Variants in SYN3 observed in about 807,000 individuals in gnomAD.
The protein encoded by SYN3 is synapsin-3.
In SYN3, 35 loss-of-function variants were observed where a neutral mutation model predicts 65.8. The ratio of observed to expected loss-of-function variants is 0.53; its 90% CI spans 0.41 to 0.70. The LOEUF (loss-of-function observed/expected upper bound fraction) is 0.70. Ranked by LOEUF, SYN3 falls within the 30% of genes least tolerant of loss-of-function variation. The pLI, the probability that SYN3 is intolerant of heterozygous loss-of-function variation, is 0.00. For missense variants in SYN3, 680 were observed against 749.0 expected, an observed-to-expected ratio of 0.91 and a Z score of 1.08; for synonymous variants, 270 against 292.9, an observed-to-expected ratio of 0.92 and a Z score of 0.80.
intron 6 of SYN3, among the ~76,000 whole-genome samples, chr22:32,741,006 C>T (rs944543708): frequency 2.0e-5 from 3 of 152,094 alleles, no homozygotes; most frequent in African/African-American, 7.2e-5. Context: ...GTAGGGTGGG[C>T]ACTGTAGATA....
chr22:33,047,720 C>T (rs2054092236), intron 1 of SYN3, among the ~76,000 whole-genome samples: 3 of 151,838 alleles, frequency 2.0e-5, no homozygotes, highest in South Asian at 2.1e-4. Context: ...ATAATAAAAA[C>T]ACCTCTCTGT....
chr22:32,616,231 G>C (rs1002749643), intron 6 of SYN3, among the ~76,000 whole-genome samples: 1 of 152,074 alleles, frequency 6.6e-6, no homozygotes, highest in African/African-American at 2.4e-5. Context: ...GGGGCAGCAG[G>C]AGCCTCGAGG....
chr22:32,911,608 T>C (rs188517690), intron 4 of SYN3, among the ~76,000 whole-genome samples: 33 of 152,226 alleles, frequency 2.2e-4, no homozygotes, highest in Admixed American at 8.5e-4. Context: ...ACACAGTCAC[T>C]TTATCTCTTT....
At chr22:32,616,548 G>A (rs1359454889) in intron 6 of SYN3, among the ~76,000 whole-genome samples, 1 of 152,086 alleles carries the variant, frequency 6.6e-6, no homozygotes, top group African/African-American at 2.4e-5. Flanking sequence ...AGCATCCCTA[G>A]TTCACAAACA....
rs575117440 is a variant in SYN3 at position 32,751,551 on chromosome 22, T to C, written c.711+113364A>G. Among the ~76,000 whole-genome samples the C allele has an allele frequency of 5.8e-4, 89 of 152,274 alleles. 1 individual carries two copies. Among genetic ancestry groups the C allele is most frequent in the African/African-American group, 2.0e-3 (83 of 41,542 alleles). Reference sequence around the variant, plus strand: ...CCATTGTCAGTCGCGTACAGGCCTCTGTGGGTGCCCGGCAGAACTGGCCTA... The same window carrying C: ...CCATTGTCAGTCGCGTACAGGCCTCCGTGGGTGCCCGGCAGAACTGGCCTA... On this transcript the variant is annotated intron_variant, in intron 6 of 13. Coordinates refer to ENST00000358763, the MANE Select transcript of SYN3 (RefSeq NM_003490.4).
chr22:32,680,633 G>C (rs2060510424), intron 6 of SYN3, among the ~76,000 whole-genome samples: 1 of 152,200 alleles, frequency 6.6e-6, no homozygotes, highest in African/African-American at 2.4e-5. Flanking sequence ...AGGCAATCCT[G>C]TGTACTCAAC....
intron 7 of SYN3, among the ~76,000 whole-genome samples, chr22:32,552,014 G>A (rs902952309): frequency 2.0e-5 from 3 of 152,322 alleles, no homozygotes; most frequent in South Asian, 2.1e-4. Context: ...ACTTTGGGAG[G>A]CCGAGGTGGG....
intron 6 of SYN3, among the ~76,000 whole-genome samples, chr22:32,742,340 C>A (rs1404117203): frequency 1.3e-5 from 2 of 152,050 alleles, no homozygotes; most frequent in East Asian, 1.9e-4. Flanking sequence ...AGTCACACAG[C>A]CCAGAATGAC....
intron 4 of SYN3, among the ~76,000 whole-genome samples, chr22:32,905,279 A>G (rs1232545366): frequency 1.3e-5 from 2 of 152,162 alleles, no homozygotes; most frequent in South Asian, 2.1e-4. Context: ...TATTCAATAA[A>G]CTTTAGGGGA....
chr22:32,994,948 A>C (rs2052835709), intron 2 of SYN3, among the ~76,000 whole-genome samples: 1 of 152,142 alleles, frequency 6.6e-6, no homozygotes, highest in Admixed American at 6.5e-5. Context: ...TAATCTTTCC[A>C]GTTACCCTTC....
intron 4 of SYN3, among the ~76,000 whole-genome samples, chr22:32,918,960 G>A (rs1482511670): frequency 6.6e-6 from 1 of 152,194 alleles, no homozygotes; most frequent in Non-Finnish European, 1.5e-5. Flanking sequence ...GTGCCATGAA[G>A]CCAGGCCGCC....
rs73885123 is a variant in SYN3 at position 32,867,427 on chromosome 22, T to G, written c.621+1539A>C. Among the ~76,000 whole-genome samples, 1,382 of 152,326 alleles carry G rather than the reference T, an allele frequency of 9.1e-3. 27 individuals are homozygous for G. Among genetic ancestry groups the G allele is most frequent in the African/African-American group, 0.032 (1,347 of 41,556 alleles). On this transcript the variant is annotated intron_variant, in intron 5 of 13. Transcript: ENST00000358763. ...ACAACAGCACCTGGAACACAGTAAG[T>G]GCCCAAGAAGTATTTGCTACATGAA...
At chr22:32,586,116 ATATATG>A (rs1442155371) in intron 7 of SYN3, among the ~76,000 whole-genome samples, 1 of 150,466 alleles carries the variant, frequency 6.6e-6, no homozygotes, top group Non-Finnish European at 1.5e-5. Flanking sequence ...ATGTATATGT[ATATATG>A]TATATGTATG....
At chr22:32,849,301 A>G (rs2048153326) in intron 6 of SYN3, 1 of 681,618 alleles carries the variant, frequency 1.5e-6, no homozygotes, top group South Asian at 1.8e-5. Context: ...GGGAATTCCC[A>G]CTCTTGTAAA....
chr22:32,619,939 ACAGCCAG>A (rs2059571771), intron 6 of SYN3, among the ~76,000 whole-genome samples: 1 of 152,252 alleles, frequency 6.6e-6, no homozygotes, highest in Non-Finnish European at 1.5e-5. Flanking sequence ...GGACTGGCTT[ACAGCCAG>A]CTGACCTCCA....
At position 33,006,557 on chromosome 22, in the gene SYN3, C is replaced by T; in HGVS notation, c.106G>A (p.Ala36Thr). 6.2e-7 allele frequency: 1 copy of T among 1,614,162 alleles called. No individual in the cohort carries two copies. Among genetic ancestry groups the T allele is most frequent in the Non-Finnish European group, 8.5e-7 (1 of 1,180,022 alleles). The stretch of plus-strand genomic sequence containing the variant: ...TGCCTCCTCTCCATGGCGGGGGAAG[C>T]AGGTGAGCTGGTGGAGCTATCTGGG... ...QRPDSSTSSP[A>T]SPAMERRHPQ... The change falls in exon 2 of 14, where the codon GCT becomes ACT. Residue 36 changes from alanine to threonine, a missense_variant. Physicochemically the swap from Ala to Thr is moderately conservative, Grantham distance 58. Transcript: ENST00000358763.
chr22:32,819,899 T>C lies in SYN3; in HGVS notation c.711+45016A>G, dbSNP rs555321713. Among the ~76,000 whole-genome samples the C allele has an allele frequency of 3.2e-4, 49 of 152,348 alleles. 1 individual carries two copies. Among genetic ancestry groups the C allele is most frequent in the Middle Eastern group, 6.8e-3 (2 of 294 alleles). Reference sequence around the variant, plus strand: ...ACTGCCTGACTTCCTGTTCTGCGCATGGGCCCAAGGGAAGTTCTCGCAACC... The same window carrying C: ...ACTGCCTGACTTCCTGTTCTGCGCACGGGCCCAAGGGAAGTTCTCGCAACC... On this transcript the variant is annotated intron_variant, in intron 6 of 13. Transcript: ENST00000358763.
intron 6 of SYN3, among the ~76,000 whole-genome samples, chr22:32,774,418 C>T (rs936861814): frequency 2.0e-5 from 3 of 152,082 alleles, no homozygotes; most frequent in Non-Finnish European, 4.4e-5. Flanking sequence ...TGCTAGCAAC[C>T]ACCAGAAACT....
At chr22:32,798,023 C>A (rs552276881) in intron 6 of SYN3, among the ~76,000 whole-genome samples, 66 of 152,322 alleles carry the variant, frequency 4.3e-4, no homozygotes, top group Non-Finnish European at 7.2e-4. Context: ...CCACTTTACT[C>A]TCTTTTCATT....
Sources: allele counts gnomAD v4.1 joint callset (sites outside exome capture counted in the v4.1 genomes callset), GRCh38; gene constraint gnomAD v4.1.1; transcripts MANE v1.5; gene names NCBI Gene and HGNC (gene_info 2026-07-23, HGNC 2026-07-21).